SLC44A5: variants seen among roughly 807,000 people sequenced by gnomAD.
The protein encoded by SLC44A5 is choline transporter-like protein 5.
Under a neutral mutation model 101.8 loss-of-function variants are expected in SLC44A5, and 57 were observed. The ratio of observed to expected loss-of-function variants is 0.56; its 90% CI spans 0.45 to 0.70. The LOEUF (loss-of-function observed/expected upper bound fraction) is 0.70, where lower values mean the gene tolerates loss of function less well. Among genes scored for constraint, SLC44A5 ranks in the 30% least tolerant of loss-of-function variants. The pLI is 0.00. For missense variants in SLC44A5, 737 were observed against 853.1 expected, an observed-to-expected ratio of 0.86 and a Z score of 1.70; for synonymous variants, 281 against 290.9, an observed-to-expected ratio of 0.97 and a Z score of 0.35.
the SLC44A5 span, chr1:75,641,874 A>G: frequency 1.9e-6 from 3 of 1,545,744 alleles, no homozygotes; most frequent in African/African-American, 1.4e-5. Flanking sequence ...ACTGTGATAT[A>G]TTTAAATAAG....
chr1:75,490,540 T>C lies in SLC44A5; in HGVS notation c.13+50895A>G, dbSNP rs575146086. On this transcript the variant is annotated intron_variant, in intron 2 of 23. Transcript: ENST00000370859. ...TTTCTTTACACTGTTTTATGACACA[T>C]TATTGATCAATATCTGAAGAATAAT... Among the ~76,000 whole-genome samples the C allele has an allele frequency of 3.7e-4, 56 of 152,340 alleles. No individual in the cohort carries two copies. In the South Asian group the frequency reaches 0.011, roughly 30 times the overall value.
the SLC44A5 span, among the ~76,000 whole-genome samples, chr1:75,642,916 C>T: frequency 1.3e-5 from 2 of 152,106 alleles, no homozygotes; most frequent in African/African-American, 2.4e-5. Flanking sequence ...ATATTTCTAT[C>T]AAGGCGAATC....
intron 9 of SLC44A5, among the ~76,000 whole-genome samples, chr1:75,241,517 G>C (rs1307380643): frequency 6.6e-6 from 1 of 151,914 alleles, no homozygotes; most frequent in East Asian, 1.9e-4. Flanking sequence ...CCTATGCCTG[G>C]CCTCATTTTG....
chr1:75,720,591 C>A, the SLC44A5 span, among the ~76,000 whole-genome samples: 1 of 138,908 alleles, frequency 7.2e-6, no homozygotes. Flanking sequence ...ATAGAAAGAA[C>A]TGTCTGTCAA....
chr1:75,386,164 T>G (rs1360946000), intron 3 of SLC44A5, among the ~76,000 whole-genome samples: 5 of 151,956 alleles, frequency 3.3e-5, no homozygotes, highest in Non-Finnish European at 7.4e-5. Context: ...AGGGATGCCC[T>G]CTCTCACCAC....
At chr1:75,538,857 C>T (rs919495442) in intron 2 of SLC44A5, among the ~76,000 whole-genome samples, 4 of 152,186 alleles carry the variant, frequency 2.6e-5, no homozygotes, top group African/African-American at 9.7e-5. Flanking sequence ...GTTCCTGAAA[C>T]CATACATTGG....
chr1:75,689,647 T>G, the SLC44A5 span, among the ~76,000 whole-genome samples: 1 of 152,180 alleles, frequency 6.6e-6, no homozygotes, highest in African/African-American at 2.4e-5. Context: ...GTTCTTATAT[T>G]AACATTTCAG....
chr1:75,356,580 T>G (rs1037489429), intron 3 of SLC44A5, among the ~76,000 whole-genome samples: 3 of 152,028 alleles, frequency 2.0e-5, no homozygotes, highest in African/African-American at 7.2e-5. Flanking sequence ...TAAGGTTAAT[T>G]TATTATATAT....
At chr1:75,326,671 A>C (rs1302398678) in intron 4 of SLC44A5, among the ~76,000 whole-genome samples, 1 of 152,198 alleles carries the variant, frequency 6.6e-6, no homozygotes, top group Non-Finnish European at 1.5e-5. Flanking sequence ...ATTATGTACA[A>C]ACATTTTGGG....
intron 2 of SLC44A5, among the ~76,000 whole-genome samples, chr1:75,415,137 G>A (rs183650290): frequency 2.3e-4 from 35 of 152,220 alleles, no homozygotes; most frequent in African/African-American, 5.3e-4. Flanking sequence ...GATATTTGAC[G>A]GGTAAAAGTG....
chr1:75,583,499 A>C (rs368147251), intron 1 of SLC44A5, among the ~76,000 whole-genome samples: 3 of 152,308 alleles, frequency 2.0e-5, no homozygotes, highest in Admixed American at 6.5e-5. Context: ...CACAGGAAGT[A>C]CAATGAACGT....
At chr1:75,474,817 C>A (rs1206657654) in intron 2 of SLC44A5, among the ~76,000 whole-genome samples, 1 of 152,242 alleles carries the variant, frequency 6.6e-6, no homozygotes, top group Admixed American at 6.5e-5. Flanking sequence ...CTTAGGCTAA[C>A]TTTATAATAA....
intron 23 of SLC44A5, chr1:75,206,391 G>T: frequency 2.3e-6 from 1 of 436,364 alleles, no homozygotes; most frequent in Non-Finnish European, 4.0e-6. Flanking sequence ...AAAAACGTTT[G>T]ACATTAACAT....
intron 1 of SLC44A5, among the ~76,000 whole-genome samples, chr1:75,547,145 C>T (rs1671693393): frequency 1.3e-5 from 2 of 152,148 alleles, no homozygotes; most frequent in South Asian, 4.1e-4. Context: ...TAAGACCACA[C>T]TGAAGATGAA....
chr1:75,291,926 G>A (rs1653581207), intron 5 of SLC44A5, among the ~76,000 whole-genome samples: 1 of 151,464 alleles, frequency 6.6e-6, no homozygotes, highest in South Asian at 2.1e-4. Flanking sequence ...GCAGGAGAAT[G>A]GCGTGAACCC....
intron 2 of SLC44A5, among the ~76,000 whole-genome samples, chr1:75,438,979 C>A (rs1176534424): frequency 1.3e-5 from 2 of 152,022 alleles, no homozygotes; most frequent in Admixed American, 6.6e-5. Context: ...AATAAGCAAG[C>A]AATATGCTAT....
At chr1:75,606,450 A>T (rs1675329627) in intron 1 of SLC44A5, among the ~76,000 whole-genome samples, 1 of 152,058 alleles carries the variant, frequency 6.6e-6, no homozygotes, top group Non-Finnish European at 1.5e-5. Flanking sequence ...CCACCTCAAT[A>T]CACAGATAGT....
intron 2 of SLC44A5, among the ~76,000 whole-genome samples, chr1:75,489,678 A>C (rs895837233): frequency 6.6e-6 from 1 of 152,208 alleles, no homozygotes; most frequent in Non-Finnish European, 1.5e-5. Context: ...AATGGAGTAC[A>C]TTGGCAAGTC....
At chr1:75,406,938 A>G (rs1662911468) in intron 2 of SLC44A5, among the ~76,000 whole-genome samples, 1 of 152,164 alleles carries the variant, frequency 6.6e-6, no homozygotes, top group Non-Finnish European at 1.5e-5. Context: ...TGTAGATGAC[A>G]TGATTGTATA....
Sources: allele counts gnomAD v4.1 joint callset (sites outside exome capture counted in the v4.1 genomes callset), GRCh38; gene constraint gnomAD v4.1.1; transcripts MANE v1.5; gene names NCBI Gene and HGNC (gene_info 2026-07-23, HGNC 2026-07-21).